Variants in CDH13 observed in about 807,000 individuals in gnomAD.
CDH13 encodes the protein cadherin-13.
A neutral mutation model predicts 63.8 loss-of-function variants in CDH13; 24 were observed. The ratio of observed to expected loss-of-function variants is 0.38; its 90% CI spans 0.27 to 0.53. The LOEUF is 0.53. Among genes scored for constraint, CDH13 ranks in the 20% least tolerant of loss-of-function variants. CDH13 has a pLI of 0.85. For synonymous variants in CDH13, 503 were observed against 355.3 expected, an observed-to-expected ratio of 1.42 and a Z score of -4.67; for missense variants, 1,049 against 903.1, an observed-to-expected ratio of 1.16 and a Z score of -2.07.
chr16:82,797,044 G>T (rs957673758), intron 1 of CDH13, among the ~76,000 whole-genome samples: 1 of 152,186 alleles, frequency 6.6e-6, no homozygotes, highest in Non-Finnish European at 1.5e-5. Flanking sequence ...ATTCTTCCAT[G>T]ACTATGTACT....
intron 10 of CDH13, among the ~76,000 whole-genome samples, chr16:83,691,133 A>G (rs1904838067): frequency 1.3e-5 from 2 of 151,684 alleles, no homozygotes; most frequent in South Asian, 4.2e-4. Context: ...AGAGAGAGAG[A>G]GAGGAATAAA....
chr16:82,635,388 G>A (rs1220629519), intron 1 of CDH13, among the ~76,000 whole-genome samples: 1 of 152,216 alleles, frequency 6.6e-6, no homozygotes, highest in Non-Finnish European at 1.5e-5. Flanking sequence ...ATTCCAGGAA[G>A]AAGGCACAGT....
chr16:83,342,099 C>A (rs999420121), intron 5 of CDH13, among the ~76,000 whole-genome samples: 10 of 151,554 alleles, frequency 6.6e-5, no homozygotes. Context: ...ATGGTAACTA[C>A]TACCTGCATG....
chr16:83,203,036 AC>A (rs2039077272), intron 4 of CDH13, among the ~76,000 whole-genome samples: 1 of 151,038 alleles, frequency 6.6e-6, no homozygotes, highest in South Asian at 2.1e-4. Context: ...GACCAGCCTG[AC>A]CACCATGGAG....
At chr16:83,387,844 A>C (rs1275990563) in intron 6 of CDH13, among the ~76,000 whole-genome samples, 1 of 152,142 alleles carries the variant, frequency 6.6e-6, no homozygotes, top group Non-Finnish European at 1.5e-5. Context: ...CTTGGTTTGC[A>C]GTGTTTACAC....
At position 82,975,927 on chromosome 16, in the gene CDH13, G is replaced by T. The variant is rs7204756; in HGVS notation, c.158-56083G>T. On this transcript the variant is annotated intron_variant, in intron 2 of 13. Transcript: ENST00000567109. ...TTTTACTGACATCTCTCCTCCAAGC[G>T]CTCTCCCCCAGCACTTTCCAGGACT... 2.0e-3 allele frequency among the ~76,000 whole-genome samples: 308 copies of T among 152,126 alleles called. 1 individual carries two copies. The highest frequency in any genetic ancestry group is 0.017 in the Middle Eastern group (5 of 294).
intron 2 of CDH13, among the ~76,000 whole-genome samples, chr16:83,008,238 T>C (rs2151432632): frequency 6.6e-6 from 1 of 152,152 alleles, no homozygotes; most frequent in South Asian, 2.1e-4. Flanking sequence ...AGAAAAAAAA[T>C]AGCAGAGAAA....
At chr16:83,317,710 G>A (rs947592255) in intron 5 of CDH13, among the ~76,000 whole-genome samples, 2 of 151,826 alleles carry the variant, frequency 1.3e-5, no homozygotes, top group Admixed American at 6.6e-5. Flanking sequence ...TGAGGCAGGA[G>A]AATCGCTTGA....
intron 5 of CDH13, among the ~76,000 whole-genome samples, chr16:83,222,230 G>A (rs1242171354): frequency 6.6e-6 from 1 of 152,026 alleles, no homozygotes; most frequent in Non-Finnish European, 1.5e-5. Context: ...GTTCTTTTTT[G>A]AGCCAATTTC....
intron 5 of CDH13, among the ~76,000 whole-genome samples, chr16:83,270,711 A>G (rs912553239): frequency 1.3e-5 from 2 of 152,098 alleles, no homozygotes; most frequent in African/African-American, 2.4e-5. Context: ...ACACGTTCCT[A>G]TCTGTCATCT....
intron 1 of CDH13, chr16:82,773,454 A>G (rs917220754): frequency 2.6e-5 from 4 of 152,230 alleles, no homozygotes; most frequent in African/African-American, 9.7e-5. Context: ...TGCAGGAGGA[A>G]ATAATAGGTG....
intron 6 of CDH13, among the ~76,000 whole-genome samples, chr16:83,452,930 G>C (rs560112441): frequency 2.6e-5 from 4 of 152,254 alleles, no homozygotes; most frequent in African/African-American, 9.6e-5. Context: ...TGTAAGCAAA[G>C]GGCTTAAGCA....
chr16:83,443,735 A>AATAT (rs1192288855), intron 6 of CDH13, among the ~76,000 whole-genome samples: 296 of 20,022 alleles, frequency 0.015, 2 homozygotes, highest in African/African-American at 0.032. Flanking sequence ...AAAAAAAAAA[A>AATAT]ATATATATAT....
intron 4 of CDH13, 61 bp from the exon 5 acceptor site, chr16:83,217,284 G>T: frequency 6.4e-7 from 1 of 1,558,792 alleles, no homozygotes; most frequent in South Asian, 1.1e-5. Context: ...GAGTATGTTT[G>T]CAATGTGCTT....
rs188491777 is a variant in CDH13, at chr16:83,748,207, C to T, written c.1638C>T (p.Val546=). 3.4e-5 allele frequency: 55 copies of T among 1,613,788 alleles called. No homozygotes were observed. The East Asian group carries it at 7.4e-4, about 22-fold the overall frequency. Residue 546 remains valine, a synonymous_variant, in exon 11 of 14, where the codon GTC becomes GTT. Transcript: ENST00000567109. The part of the protein sequence containing the change: ...TAVLDRESPF[V]DNSVYTALFL... Reference sequence around the variant, plus strand: ...TGCTGGACCGTGAGTCCCCATTTGTCGACAACAGCGTGTACACTGCTCTCT... The same window carrying T: ...TGCTGGACCGTGAGTCCCCATTTGTTGACAACAGCGTGTACACTGCTCTCT...
intron 5 of CDH13, among the ~76,000 whole-genome samples, chr16:83,340,778 C>G (rs188187724): frequency 6.6e-6 from 1 of 152,266 alleles, no homozygotes; most frequent in African/African-American, 2.4e-5. Flanking sequence ...GGAGTTCAGG[C>G]TACCTACTAT....
intron 2 of CDH13, among the ~76,000 whole-genome samples, chr16:83,030,532 A>C (rs1052464902): frequency 6.6e-6 from 1 of 150,772 alleles, no homozygotes; most frequent in African/African-American, 2.4e-5. Context: ...AATCCCAGCT[A>C]CCCAGGAGGC....
chr16:82,744,942 A>G (rs937530531), intron 1 of CDH13, among the ~76,000 whole-genome samples: 2 of 152,150 alleles, frequency 1.3e-5, no homozygotes, highest in African/African-American at 4.8e-5. Context: ...CACAACACAC[A>G]TAAATAGCCA....
Position 82,790,881 on chromosome 16 carries a change from C to A in CDH13, c.46-67481C>A, listed in dbSNP as rs1365597828. Among the ~76,000 whole-genome samples, 4 of 152,184 alleles carry A rather than the reference C, an allele frequency of 2.6e-5. No homozygotes were observed. In the East Asian group the frequency reaches 7.7e-4, roughly 29 times the overall value. On this transcript the variant is annotated intron_variant, in intron 1 of 13. Coordinates refer to ENST00000567109, the MANE Select transcript of CDH13 (RefSeq NM_001257.5). ...ATTCAATTAACTCCACCTGGTCTCT[C>A]CCTTGACATATGTGGATTGTGGGTG...
Sources: allele counts gnomAD v4.1 joint callset (sites outside exome capture counted in the v4.1 genomes callset), GRCh38; gene constraint gnomAD v4.1.1; transcripts MANE v1.5; gene names NCBI Gene and HGNC (gene_info 2026-07-23, HGNC 2026-07-21).